The following SLC24A2 variants were observed in gnomAD, a reference collection of about 807,000 sequenced individuals.
SLC24A2 encodes sodium/potassium/calcium exchanger 2.
In SLC24A2, 36 loss-of-function variants were observed where a neutral mutation model predicts 62.0. The observed-to-expected ratio is 0.58, with a 90% confidence interval of 0.44 to 0.77. SLC24A2 has a LOEUF of 0.77. SLC24A2 is among the 30% of genes least tolerant of loss of function. The probability of loss-of-function intolerance (pLI) is 0.00; values close to 1 mark genes in which losing one functional copy is unlikely to be tolerated. For synonymous variants in SLC24A2, 358 were observed against 294.0 expected (o/e 1.22, Z -2.23); for missense variants, 846 against 817.9 (o/e 1.03, Z -0.42).
chr9:20,076,069 G>C, the SLC24A2 span, among the ~76,000 whole-genome samples: 1 of 152,114 alleles, frequency 6.6e-6, no homozygotes, highest in African/African-American at 2.4e-5. Context: ...AAGTCTGAAT[G>C]CTTTCCGTAC....
chr9:19,965,737 CA>C, the SLC24A2 span, among the ~76,000 whole-genome samples: 1 of 152,106 alleles, frequency 6.6e-6, no homozygotes, highest in Non-Finnish European at 1.5e-5. Context: ...GATCAAAAAG[CA>C]GGAATTTTAG....
chr9:20,021,341 G>A, the SLC24A2 span, among the ~76,000 whole-genome samples: 1 of 150,832 alleles, frequency 6.6e-6, no homozygotes, highest in African/African-American at 2.4e-5. Context: ...AAGAATTGTG[G>A]GACAGATTTA....
chr9:19,599,131 G>T lies in SLC24A2; in HGVS notation c.1079-1852C>A, dbSNP rs7851875. ...AATCCCAACTTTCAAATATCTGCTT[G>T]TGGCAGATGATATTACTCCTCACCT... On this transcript the variant is annotated intron_variant, in intron 4 of 10. Coordinates refer to ENST00000341998, the MANE Select transcript of SLC24A2 (RefSeq NM_020344.4). The surrounding 1 kb of genome is among the most constrained non-coding windows in gnomAD (Gnocchi z 4.5). 0.045 allele frequency among the ~76,000 whole-genome samples: 6,818 copies of T among 152,272 alleles called. 398 individuals carry two copies. Among genetic ancestry groups the T allele is most frequent in the East Asian group, 0.31 (1,598 of 5,182 alleles).
chr9:19,516,054 G>T lies in SLC24A2; in HGVS notation c.*99C>A. 4 of 1,423,734 alleles carry T rather than the reference G, an allele frequency of 2.8e-6. No individual in the cohort carries two copies. Among genetic ancestry groups the T allele is most frequent in the Non-Finnish European group, 4.0e-6 (4 of 1,008,330 alleles). The allele number at this position is 1,423,734 out of a possible 1,614,324, so 88.2% of individuals were successfully genotyped here. A position where few individuals can be genotyped will look rare whatever the true frequency, so the allele number is the denominator to read the frequency against. On this transcript the variant is annotated 3_prime_UTR_variant, in exon 11 of 11. Transcript: ENST00000341998. ...CAAGGAGGGACACTTGGCACCCAGG[G>T]CTGTGTGCCAGCTGCCTCTTCTCAA...
intron 4 of SLC24A2, among the ~76,000 whole-genome samples, chr9:19,605,880 C>A (rs1179374114): frequency 6.6e-6 from 1 of 152,246 alleles, no homozygotes; most frequent in Non-Finnish European, 1.5e-5. Context: ...CAGGGGCACA[C>A]AGCTAGTAAG....
chr9:20,159,160 T>C, the SLC24A2 span, among the ~76,000 whole-genome samples: 1 of 151,594 alleles, frequency 6.6e-6, no homozygotes, highest in Non-Finnish European at 1.5e-5. Flanking sequence ...GAATCGACTA[T>C]ATAAAAAAAT....
chr9:19,813,083 G>A, the SLC24A2 span, among the ~76,000 whole-genome samples: 1 of 152,242 alleles, frequency 6.6e-6, no homozygotes, highest in South Asian at 2.1e-4. Flanking sequence ...CACATGTCAG[G>A]CTTAGTTCTC....
chr9:20,130,281 C>A, the SLC24A2 span, among the ~76,000 whole-genome samples: 1 of 149,750 alleles, frequency 6.7e-6, no homozygotes, highest in South Asian at 2.1e-4. Context: ...TGAAAAGAGA[C>A]AAGAAATAAA....
At chr9:20,141,276 A>G in the SLC24A2 span, among the ~76,000 whole-genome samples, 1 of 152,076 alleles carries the variant, frequency 6.6e-6, no homozygotes, top group Non-Finnish European at 1.5e-5. Flanking sequence ...TCCATGTCTC[A>G]GCAGCTTCCC....
At chr9:20,177,802 C>T in the SLC24A2 span, among the ~76,000 whole-genome samples, 4 of 152,088 alleles carry the variant, frequency 2.6e-5, no homozygotes, top group Non-Finnish European at 4.4e-5. Flanking sequence ...ATACTATTTA[C>T]ACTATTATGT....
At chr9:19,854,435 G>A in the SLC24A2 span, among the ~76,000 whole-genome samples, 2 of 152,224 alleles carry the variant, frequency 1.3e-5, no homozygotes, top group South Asian at 2.1e-4. Flanking sequence ...AGCATTTGGT[G>A]CTATAAATTT....
At chr9:19,700,197 A>G (rs1425867912) in intron 2 of SLC24A2, among the ~76,000 whole-genome samples, 1 of 152,148 alleles carries the variant, frequency 6.6e-6, no homozygotes. Context: ...TTATGACATC[A>G]CTTAAATGAC....
chr9:20,297,769 A>G, the SLC24A2 span, among the ~76,000 whole-genome samples: 1 of 152,182 alleles, frequency 6.6e-6, no homozygotes, highest in Non-Finnish European at 1.5e-5. Flanking sequence ...GGCCCTCCCA[A>G]CCAAACCTTT....
At chr9:20,119,951 G>A in the SLC24A2 span, among the ~76,000 whole-genome samples, 1 of 152,270 alleles carries the variant, frequency 6.6e-6, no homozygotes, top group Middle Eastern at 3.4e-3. Flanking sequence ...CAGTTTTGTA[G>A]GTTAGAAGTG....
the SLC24A2 span, among the ~76,000 whole-genome samples, chr9:20,286,632 G>C: frequency 6.6e-6 from 1 of 152,196 alleles, no homozygotes; most frequent in Admixed American, 6.5e-5. Flanking sequence ...GAGAAGGAGA[G>C]AATGACTACT....
chr9:19,554,028 G>T (rs573253000), intron 7 of SLC24A2, among the ~76,000 whole-genome samples: 18 of 152,212 alleles, frequency 1.2e-4, no homozygotes, highest in South Asian at 1.0e-3. Flanking sequence ...TTTGGAGATA[G>T]GATCTTCAAA....
the SLC24A2 span, among the ~76,000 whole-genome samples, chr9:20,049,640 G>GAT: frequency 1.3e-5 from 2 of 152,036 alleles, no homozygotes; most frequent in South Asian, 2.1e-4. Flanking sequence ...TAACAAAGAT[G>GAT]ACAAATATGT....
chr9:20,045,780 C>T, the SLC24A2 span, among the ~76,000 whole-genome samples: 4 of 152,130 alleles, frequency 2.6e-5, no homozygotes, highest in Non-Finnish European at 5.9e-5. Flanking sequence ...GCCGTCCATG[C>T]ATGCTTATAT....
intron 2 of SLC24A2, among the ~76,000 whole-genome samples, chr9:19,655,704 T>C (rs947379284): frequency 3.0e-4 from 46 of 152,204 alleles, no homozygotes; most frequent in African/African-American, 1.0e-3. Context: ...AATTCAGTCA[T>C]ATAAACTTCC....
Sources: gnomAD v4.1 joint callset for allele counts (sites outside exome capture counted in the v4.1 genomes callset) on GRCh38, gnomAD v4.1.1 for gene constraint, Gnocchi (gnomAD v3.1) non-coding constraint, MANE v1.5 for transcripts, NCBI Gene and HGNC (gene_info 2026-07-23, HGNC 2026-07-21) for gene names.